Variants in SPAG9 observed in about 807,000 individuals in gnomAD.
SPAG9 encodes the protein sperm associated antigen 9, also known as C-Jun-amino-terminal kinase-interacting protein 4.
SPAG9 carries 35 observed loss-of-function variants against 166.5 expected under a neutral mutation model. The ratio of observed to expected loss-of-function variants is 0.21; its 90% CI spans 0.16 to 0.28. The LOEUF (loss-of-function observed/expected upper bound fraction) is 0.28, where lower values mean the gene tolerates loss of function less well. Ranked by LOEUF, SPAG9 falls within the 10% of genes least tolerant of loss-of-function variation. The pLI is 1.00. For synonymous variants in SPAG9, 534 were observed against 565.5 expected (o/e 0.94, Z 0.79); for missense variants, 1,235 against 1,603.3 (o/e 0.77, Z 3.92).
At chr17:51,049,968 TAA>T (rs971665044) in intron 3 of SPAG9, among the ~76,000 whole-genome samples, 13 of 152,210 alleles carry the variant, frequency 8.5e-5, no homozygotes, top group African/African-American at 3.1e-4. Context: ...ATGGAGGACC[TAA>T]GTTTCCTTAA....
chr17:51,000,634 A>C (rs9903499), intron 13 of SPAG9, among the ~76,000 whole-genome samples: 88,890 of 151,790 alleles, frequency 0.59, 26,586 homozygotes, highest in African/African-American at 0.68. Context: ...ACCAGGGAGG[A>C]TGAGGCAGAA....
chr17:51,111,081 A>C (rs2049097801), intron 1 of SPAG9, among the ~76,000 whole-genome samples: 1 of 151,844 alleles, frequency 6.6e-6, no homozygotes, highest in African/African-American at 2.4e-5. Context: ...CCGCCACTGC[A>C]CTCCAGCCAG....
chr17:51,034,180 A>T (rs1221949444), intron 5 of SPAG9, among the ~76,000 whole-genome samples: 6 of 152,256 alleles, frequency 3.9e-5, no homozygotes. Context: ...ACAAAACAAT[A>T]TGAAATATTA....
At position 51,106,791 on chromosome 17, in the gene SPAG9, T is replaced by G. The variant is rs533566607; in HGVS notation, c.303+13563A>C. On this transcript the variant is annotated intron_variant, in intron 1 of 29. Coordinates refer to ENST00000262013, the MANE Select transcript of SPAG9 (RefSeq NM_001130528.3). ...CAGTCTGGGCAATAGAGCAAGACTC[T>G]GTCTTAATTTTTAAAAATAAAAATA... is the stretch of plus-strand genomic sequence containing the variant. Among the ~76,000 whole-genome samples the G allele has an allele frequency of 2.7e-5, 4 of 147,338 alleles. No individual in the cohort carries two copies. The East Asian group carries it at 8.2e-4, about 30-fold the overall frequency.
intron 2 of SPAG9, among the ~76,000 whole-genome samples, chr17:51,078,830 CT>C (rs2048086611): frequency 6.6e-6 from 1 of 151,554 alleles, no homozygotes; most frequent in South Asian, 2.1e-4. Flanking sequence ...ACTTTTTTTT[CT>C]CCAGTATCTA....
Position 50,989,666 on chromosome 17 carries a change from C to T in SPAG9, c.2813+11G>A. 3 of 1,611,292 alleles carry T rather than the reference C, an allele frequency of 1.9e-6. No individual in the cohort carries two copies. The highest frequency in any genetic ancestry group is 2.5e-6 in the Non-Finnish European group (3 of 1,177,582). The stretch of plus-strand genomic sequence containing the variant: ...CACCCAGTTGCCTAAGTTGATGACC[C>T]ATTATTATACCTCGACTGATACACT... On this transcript the variant is annotated intron_variant, in intron 21 of 29. Coordinates refer to ENST00000262013, the MANE Select transcript of SPAG9 (RefSeq NM_001130528.3).
At chr17:50,997,462 T>C (rs1216357634) in intron 15 of SPAG9, among the ~76,000 whole-genome samples, 2 of 152,222 alleles carry the variant, frequency 1.3e-5, no homozygotes, top group African/African-American at 4.8e-5. Flanking sequence ...GGTTAGATTT[T>C]AGATCCCATT....
intron 1 of SPAG9, among the ~76,000 whole-genome samples, chr17:51,080,915 A>T (rs2048146665): frequency 6.9e-6 from 1 of 144,306 alleles, no homozygotes; most frequent in Non-Finnish European, 1.5e-5. Context: ...AAAAAAAAGC[A>T]TCTTAAATTC....
intron 12 of SPAG9, among the ~76,000 whole-genome samples, chr17:51,003,123 C>T (rs143773987): frequency 6.6e-6 from 1 of 151,996 alleles, no homozygotes; most frequent in East Asian, 1.9e-4. Flanking sequence ...CCTGTAGTTC[C>T]AGCTACTTGG....
intron 9 of SPAG9, among the ~76,000 whole-genome samples, chr17:51,012,524 C>T (rs1305981778): frequency 2.0e-5 from 3 of 151,098 alleles, no homozygotes; most frequent in Non-Finnish European, 4.4e-5. Flanking sequence ...GAGCCAAGAT[C>T]GCACCACGGC....
At chr17:51,112,597 G>A (rs1568099587) in intron 1 of SPAG9, among the ~76,000 whole-genome samples, 1 of 149,564 alleles carries the variant, frequency 6.7e-6, no homozygotes, top group Non-Finnish European at 1.5e-5. Flanking sequence ...CTTGAACCCA[G>A]GTGGTGGAGG....
At chr17:50,970,610 T>C (rs1397675565) in intron 29 of SPAG9, 97 bp downstream of exon 29, 12 of 1,055,846 alleles carry the variant, frequency 1.1e-5, no homozygotes, top group Admixed American at 2.5e-5. Flanking sequence ...AGAGAACCTC[T>C]TATAAATCAT....
intron 20 of SPAG9, 30 bp downstream of exon 20, chr17:50,990,420 A>T: frequency 6.7e-7 from 1 of 1,485,634 alleles, no homozygotes. Context: ...TAGACTCTAT[A>T]CAGATGGCAG....
At chr17:51,081,990 A>G (rs1346880630) in intron 1 of SPAG9, among the ~76,000 whole-genome samples, 1 of 152,142 alleles carries the variant, frequency 6.6e-6, no homozygotes, top group East Asian at 1.9e-4. Flanking sequence ...CTTCTTCCAG[A>G]TATCCAAACA....
At chr17:51,113,546 T>C (rs1364361714) in intron 1 of SPAG9, among the ~76,000 whole-genome samples, 2 of 148,520 alleles carry the variant, frequency 1.3e-5, no homozygotes, top group Non-Finnish European at 3.0e-5. Flanking sequence ...GAGGTGTGGT[T>C]GTGAGCACCT....
In SPAG9 at chr17:51,089,653, TATATATATATAC is replaced by T. The variant is rs1425208565; in HGVS notation, c.304-9961_304-9950del. ...ATATATATATATATATATATATATA[TATATATATATAC>T]ACATACACACACACACTTTCTTTTT... On this transcript the variant is annotated intron_variant, in intron 1 of 29. Transcript: ENST00000262013. Among the ~76,000 whole-genome samples the T allele has an allele frequency of 1.4e-3, 142 of 102,790 alleles. 3 individuals are homozygous for T. The highest frequency in any genetic ancestry group is 4.4e-3 in the Middle Eastern group (1 of 226). The allele number at this position is 102,790 out of a possible 152,430, so 67.4% of individuals were successfully genotyped here.
At chr17:51,086,489 TA>T (rs554092261) in intron 1 of SPAG9, among the ~76,000 whole-genome samples, 6,712 of 133,804 alleles carry the variant, frequency 0.05, 456 homozygotes, top group African/African-American at 0.16. Flanking sequence ...GAAAACACGA[TA>T]AAAAAAAAAA....
chr17:50,984,813 A>G (rs1425259695), intron 24 of SPAG9, 110 bp downstream of exon 24: 1 of 846,876 alleles, frequency 1.2e-6, no homozygotes, highest in Non-Finnish European at 2.0e-6. Flanking sequence ...TATTGTTAGT[A>G]TTTATTCTTT....
intron 2 of SPAG9, among the ~76,000 whole-genome samples, chr17:51,068,547 T>C (rs1170081690): frequency 3.3e-5 from 5 of 152,166 alleles, no homozygotes; most frequent in Non-Finnish European, 2.9e-5. Context: ...GTAGGGACAG[T>C]CCACGCTTAA....
Sources: gnomAD v4.1 joint callset for allele counts (sites outside exome capture counted in the v4.1 genomes callset) on GRCh38, gnomAD v4.1.1 for gene constraint, MANE v1.5 for transcripts, NCBI Gene and HGNC (gene_info 2026-07-23, HGNC 2026-07-21) for gene names.